Variants in PRKCH observed in about 807,000 individuals in gnomAD.
PRKCH encodes protein kinase C eta type.
Under a neutral mutation model 82.5 loss-of-function variants are expected in PRKCH, and 28 were observed. The ratio of observed to expected loss-of-function variants is 0.34; its 90% CI spans 0.25 to 0.47. The LOEUF (loss-of-function observed/expected upper bound fraction) is 0.47. PRKCH is among the 20% of genes least tolerant of loss of function. The pLI is 1.00. For synonymous variants in PRKCH, 322 were observed against 327.4 expected (o/e 0.98, Z 0.18); for missense variants, 705 against 881.8 (o/e 0.80, Z 2.54).
chr14:61,457,269 A>G lies in PRKCH; in HGVS notation c.1054A>G (p.Ile352Val). 1.2e-6 allele frequency: 2 copies of G among 1,614,220 alleles called. No individual in the cohort carries two copies. Among genetic ancestry groups the G allele is most frequent in the Non-Finnish European group, 1.7e-6 (2 of 1,180,036 alleles). ...IGVNSSNRLG[I>V]DNFEFIRVLG... Reference sequence around the variant, plus strand: ...GGTTAATTCTTCCAACCGACTTGGTATCGACAACTTTGAGTTCATCCGAGT... The same window carrying G: ...GGTTAATTCTTCCAACCGACTTGGTGTCGACAACTTTGAGTTCATCCGAGT... Residue 352 changes from isoleucine to valine, a missense_variant, in exon 8 of 14, where the codon ATC becomes GTC. Transcript: ENST00000332981.
At chr14:61,354,901 C>T (rs1398259249) in intron 1 of PRKCH, among the ~76,000 whole-genome samples, 1 of 152,124 alleles carries the variant, frequency 6.6e-6, no homozygotes, top group East Asian at 1.9e-4. Flanking sequence ...TCCTTGGTAC[C>T]CTCAGTACCT....
chr14:61,206,798 A>T (rs2044527525), intron 1 of PRKCH, among the ~76,000 whole-genome samples: 1 of 149,672 alleles, frequency 6.7e-6, no homozygotes, highest in Non-Finnish European at 1.5e-5. Flanking sequence ...TTCTCCTGTG[A>T]TTAGAAAAAG....
At chr14:61,213,471 C>T (rs1263342989) in intron 1 of PRKCH, among the ~76,000 whole-genome samples, 2 of 152,196 alleles carry the variant, frequency 1.3e-5, no homozygotes, top group African/African-American at 4.8e-5. Flanking sequence ...ATGCAAAGAA[C>T]TGGGGTTTTG....
intron 12 of PRKCH, among the ~76,000 whole-genome samples, chr14:61,535,855 C>T (rs1221826300): frequency 6.6e-6 from 1 of 152,166 alleles, no homozygotes; most frequent in Admixed American, 6.5e-5. Context: ...CAATATTGGG[C>T]ATGTGTCAGT....
In PRKCH at chr14:61,427,740, C is replaced by T. The variant is rs182558751; in HGVS notation, c.428-15371C>T. Among the ~76,000 whole-genome samples the T allele has an allele frequency of 1.6e-3, 248 of 152,148 alleles. 1 individual carries two copies. The highest frequency in any genetic ancestry group is 3.0e-3 in the Non-Finnish European group (202 of 68,016). On this transcript the variant is annotated intron_variant, in intron 2 of 13. Coordinates refer to ENST00000332981, the MANE Select transcript of PRKCH (RefSeq NM_006255.5). Reference sequence around the variant, plus strand: ...TAGCTGGGACTACAGGCATGCACCACCATGCCCAGCTAATTTTTGTATTTT... The same window carrying T: ...TAGCTGGGACTACAGGCATGCACCATCATGCCCAGCTAATTTTTGTATTTT...
intron 2 of PRKCH, among the ~76,000 whole-genome samples, chr14:61,392,444 A>T (rs1484171969): frequency 9.2e-5 from 14 of 152,188 alleles, no homozygotes; most frequent in Admixed American, 9.2e-4. Flanking sequence ...TTCATCGTAG[A>T]CATTCTAGTG....
intron 1 of PRKCH, among the ~76,000 whole-genome samples, chr14:61,203,354 C>T (rs962378119): frequency 1.8e-4 from 27 of 152,176 alleles, no homozygotes; most frequent in Admixed American, 6.5e-4. Flanking sequence ...CAGTGGTCTG[C>T]GAAAGAGGTG....
chr14:61,388,957 C>CT (rs1449855821), intron 1 of PRKCH, among the ~76,000 whole-genome samples: 2 of 152,170 alleles, frequency 1.3e-5, no homozygotes, highest in Admixed American at 6.5e-5. Flanking sequence ...AAGCAGGCAT[C>CT]TTTTATTTTG....
At position 61,547,494 on chromosome 14, in the gene PRKCH, C is replaced by G. The variant is rs544009061; in HGVS notation, c.1762-249C>G. Among the ~76,000 whole-genome samples the G allele has an allele frequency of 2.6e-5, 4 of 152,292 alleles. No homozygotes were observed. In the East Asian group the frequency reaches 7.7e-4, roughly 29 times the overall value. ...GGTGTTTACAGAAAAGAAAACTGGA[C>G]CCTCCTGCTTTCTTTTAGTGGCCAT... On this transcript the variant is annotated intron_variant, in intron 12 of 13. Coordinates refer to ENST00000332981, the MANE Select transcript of PRKCH (RefSeq NM_006255.5).
intron 1 of PRKCH, among the ~76,000 whole-genome samples, chr14:61,337,067 CAAAAAAAAAAA>C (rs3028726): frequency 7.3e-5 from 4 of 55,092 alleles, no homozygotes; most frequent in Non-Finnish European, 1.2e-4. Flanking sequence ...CAGTCTGTCT[CAAAAAAAAAAA>C]AAAAAAAAAA....
At chr14:61,320,958 C>G (rs1165916765), upstream of PRKCH, among the ~76,000 whole-genome samples, 3 of 152,184 alleles carry the variant, frequency 2.0e-5, no homozygotes, top group Admixed American at 2.0e-4. Flanking sequence ...CCAGAAGAAC[C>G]GACCTTTCCT....
At chr14:61,395,291 C>CCT (rs33937927) in intron 2 of PRKCH, among the ~76,000 whole-genome samples, 308 of 3,550 alleles carry the variant, frequency 0.087, 10 homozygotes, top group African/African-American at 0.1. Context: ...GGAAATGGAG[C>CCT]CCCCCCCCGC....
chr14:61,509,755 TA>T (rs976548510), intron 10 of PRKCH, among the ~76,000 whole-genome samples: 1 of 151,698 alleles, frequency 6.6e-6, no homozygotes, highest in Non-Finnish European at 1.5e-5. Flanking sequence ...AAAAATAAAA[TA>T]AAATAAAAAC....
At chr14:61,431,971 A>G (rs369992033) in intron 2 of PRKCH, among the ~76,000 whole-genome samples, 23 of 151,500 alleles carry the variant, frequency 1.5e-4, no homozygotes, top group African/African-American at 5.1e-4. Flanking sequence ...TAGATTTCCT[A>G]TTTCTAGAAG....
At chr14:61,247,538 C>G (rs2044896314) in intron 1 of PRKCH, among the ~76,000 whole-genome samples, 1 of 151,798 alleles carries the variant, frequency 6.6e-6, no homozygotes, top group Non-Finnish European at 1.5e-5. Flanking sequence ...GAGTTCGAGA[C>G]CAGCCTGGCC....
At chr14:61,251,296 C>A (rs188593993) in intron 1 of PRKCH, among the ~76,000 whole-genome samples, 1 of 152,116 alleles carries the variant, frequency 6.6e-6, no homozygotes, top group East Asian at 1.9e-4. Context: ...AGTACTAGGT[C>A]TTATTCGTTC....
At chr14:61,274,421 C>T (rs569124528) in intron 1 of PRKCH, among the ~76,000 whole-genome samples, 1 of 152,248 alleles carries the variant, frequency 6.6e-6, no homozygotes, top group South Asian at 2.1e-4. Flanking sequence ...CATGATAAGA[C>T]TTGTGTTTTA....
intron 2 of PRKCH, among the ~76,000 whole-genome samples, chr14:61,395,290 G>GCCCCCC (rs5809093): frequency 1.4e-4 from 18 of 124,348 alleles, no homozygotes; most frequent in African/African-American, 3.7e-4. Flanking sequence ...AGGAAATGGA[G>GCCCCCC]CCCCCCCCCG....
intron 10 of PRKCH, among the ~76,000 whole-genome samples, chr14:61,490,126 C>CGT (rs1886394006): frequency 6.6e-6 from 1 of 151,662 alleles, no homozygotes; most frequent in Non-Finnish European, 1.5e-5. Context: ...GCTGGGTGCA[C>CGT]GGTAATTAGT....
Sources: gnomAD v4.1 joint callset for allele counts (sites outside exome capture counted in the v4.1 genomes callset) on GRCh38, gnomAD v4.1.1 for gene constraint, MANE v1.5 for transcripts, NCBI Gene and HGNC (gene_info 2026-07-23, HGNC 2026-07-21) for gene names.